The following CA1 variants were observed in gnomAD, a reference collection of about 807,000 sequenced individuals.
The protein encoded by CA1 is carbonate dehydratase I.
CA1 carries 27 observed loss-of-function variants against 28.8 expected under a neutral mutation model. That is an observed-to-expected ratio of 0.94 (90% CI 0.69 to 1.29). The LOEUF (loss-of-function observed/expected upper bound fraction) is 1.29, where lower values mean the gene tolerates loss of function less well. Ranked by LOEUF, CA1 falls within the 50% of genes most tolerant of loss-of-function variation. The pLI is 0.00. For missense variants in CA1, 335 were observed against 310.5 expected, an observed-to-expected ratio of 1.08 and a Z score of -0.59; for synonymous variants, 121 against 108.8, an observed-to-expected ratio of 1.11 and a Z score of -0.70.
In CA1 at chr8:85,338,284, T is replaced by C. The variant is rs990757234; in HGVS notation, c.203A>G (p.His68Arg). The C allele has an allele frequency of 3.1e-6, 5 of 1,613,890 alleles. No individual in the cohort carries two copies. The highest frequency in any genetic ancestry group is 1.3e-5 in the African/African-American group (1 of 74,926). ...GTTATCGTTGTCCTCAAAATTTACA[T>C]GGAAGGAATGCCCCACATTGATAAT... is the stretch of plus-strand genomic sequence containing the variant. ...KEIINVGHSF[H>R]VNFEDNDNRS... The change falls in exon 3 of 8, where the codon CAT becomes CGT. Residue 68 changes from histidine (H) to arginine (R), a missense_variant. By Grantham distance (29) the His-to-Arg change is conservative (BLOSUM62 0). Transcript: ENST00000523022.
intron 1 of CA1, among the ~76,000 whole-genome samples, chr8:85,345,672 T>C (rs998349646): frequency 6.6e-6 from 1 of 152,178 alleles, no homozygotes; most frequent in African/African-American, 2.4e-5. Context: ...CTTACCCAAG[T>C]GCACTGATCT....
chr8:85,338,291 A>G lies in CA1; in HGVS notation c.196T>C (p.Ser66Pro). 1 of 1,614,038 alleles carries G rather than the reference A, an allele frequency of 6.2e-7. No individual in the cohort carries two copies. The highest frequency in any genetic ancestry group is 1.3e-5 in the African/African-American group (1 of 75,050). ...TTGTCCTCAAAATTTACATGGAAGG[A>G]ATGCCCCACATTGATAATTTCTTTG... ...TAKEIINVGH[S>P]FHVNFEDNDN... Residue 66 changes from serine (S) to proline (P), a missense_variant, in exon 3 of 8, where the codon TCC (serine) becomes CCC (proline). Transcript: ENST00000523022.
rs148124484 is a variant in CA1, at chr8:85,355,085, C to T, written c.-24-13426G>A. 1.8e-4 allele frequency among the ~76,000 whole-genome samples: 27 copies of T among 152,286 alleles called. No homozygotes were observed. The East Asian group carries it at 4.8e-3, about 27-fold the overall frequency. On this transcript the variant is annotated intron_variant, in intron 1 of 7. Coordinates refer to ENST00000523022, the MANE Select transcript of CA1 (RefSeq NM_001128831.4). Reference sequence around the variant, plus strand: ...CCTTCCTGCCAGCTCAGCCCAGCTTCTACTCCAGTACCCTCTTATCTCACC... The same window carrying T: ...CCTTCCTGCCAGCTCAGCCCAGCTTTTACTCCAGTACCCTCTTATCTCACC...
In CA1 at chr8:85,338,230, T is replaced by A. The variant is rs756164917; in HGVS notation, c.235+22A>T. 1.9e-6 allele frequency: 3 copies of A among 1,595,768 alleles called. No individual in the cohort carries two copies. The South Asian group carries it at 3.3e-5, about 18-fold the overall frequency. The stretch of plus-strand genomic sequence containing the variant: ...CCCAGTAGACTGTAAGAAAAAAATA[T>A]CAGAAGGGTCTTTCAGCTCACCTGA... On this transcript the variant is annotated intron_variant, in intron 3 of 7. Transcript: ENST00000523022.
At chr8:85,355,335 A>G (rs963987918) in intron 1 of CA1, among the ~76,000 whole-genome samples, 9 of 152,166 alleles carry the variant, frequency 5.9e-5, no homozygotes, top group African/African-American at 2.2e-4. Context: ...ACAAAGAAAG[A>G]AACTTTAAAG....
intron 6 of CA1, among the ~76,000 whole-genome samples, chr8:85,331,526 G>A (rs1438244743): frequency 2.0e-5 from 3 of 151,712 alleles, no homozygotes; most frequent in African/African-American, 7.3e-5. Flanking sequence ...GCACAATCTC[G>A]GCTCACTGCA....
In CA1 at chr8:85,373,054, G is replaced by A. The variant is rs1810287488; in HGVS notation, c.-25+4992C>T. 3.9e-5 allele frequency among the ~76,000 whole-genome samples: 6 copies of A among 152,314 alleles called. 1 individual carries two copies. In the South Asian group the frequency reaches 1.0e-3, roughly 26 times the overall value. ...TTGGCTTAATAAGGAGAGGAAAAAA[G>A]TCATATACTGAGGTTGCTAAGATCT... On this transcript the variant is annotated intron_variant, in intron 1 of 7. Coordinates refer to ENST00000523022, the MANE Select transcript of CA1 (RefSeq NM_001128831.4).
intron 1 of CA1, among the ~76,000 whole-genome samples, chr8:85,354,839 C>T (rs929907361): frequency 6.6e-6 from 1 of 152,182 alleles, no homozygotes; most frequent in Non-Finnish European, 1.5e-5. Context: ...ATGAACCTGT[C>T]TTTTCTGGAA....
chr8:85,367,514 A>G (rs1232003755), intron 1 of CA1, among the ~76,000 whole-genome samples: 4 of 152,238 alleles, frequency 2.6e-5, no homozygotes, highest in Non-Finnish European at 5.9e-5. Context: ...TGAAGCATGT[A>G]AAAAATCTTT....
At chr8:85,359,117 A>G (rs1809703820) in intron 1 of CA1, among the ~76,000 whole-genome samples, 1 of 152,212 alleles carries the variant, frequency 6.6e-6, no homozygotes, top group Non-Finnish European at 1.5e-5. Context: ...ACTGTATGTT[A>G]AACACAATGG....
chr8:85,351,815 T>C (rs1372878803), intron 1 of CA1: 2 of 152,246 alleles, frequency 1.3e-5, no homozygotes, highest in Non-Finnish European at 2.9e-5. Flanking sequence ...TATTCTTTGT[T>C]ACTTGTAAGG....
At chr8:85,345,670 A>C (rs928755117) in intron 1 of CA1, among the ~76,000 whole-genome samples, 6 of 152,128 alleles carry the variant, frequency 3.9e-5, no homozygotes, top group African/African-American at 1.4e-4. Flanking sequence ...TGCTTACCCA[A>C]GTGCACTGAT....
At chr8:85,341,450 G>C (rs1808927280) in intron 2 of CA1, 149 bp downstream of exon 2, 1 of 617,658 alleles carries the variant, frequency 1.6e-6, no homozygotes, top group Non-Finnish European at 2.9e-6. Context: ...ACAATGCTAA[G>C]AATACATGCA....
intron 1 of CA1, among the ~76,000 whole-genome samples, chr8:85,351,539 C>T (rs1000219995): frequency 6.6e-6 from 1 of 152,152 alleles, no homozygotes; most frequent in Non-Finnish European, 1.5e-5. Context: ...CAAAAAACAG[C>T]CCAGTGGGGA....
At chr8:85,332,817 AG>A (rs1353025072) in intron 5 of CA1, among the ~76,000 whole-genome samples, 1 of 152,182 alleles carries the variant, frequency 6.6e-6, no homozygotes, top group Non-Finnish European at 1.5e-5. Flanking sequence ...AAAGTTATAC[AG>A]GGCAAAATCT....
intron 1 of CA1, among the ~76,000 whole-genome samples, chr8:85,347,695 C>T (rs146087217): frequency 1.4e-4 from 22 of 152,260 alleles, no homozygotes; most frequent in African/African-American, 4.3e-4. Flanking sequence ...GGCTTCTCCA[C>T]TCCTATGTCT....
intron 1 of CA1, among the ~76,000 whole-genome samples, chr8:85,352,358 T>C (rs1438887520): frequency 1.3e-5 from 2 of 152,172 alleles, no homozygotes; most frequent in Non-Finnish European, 2.9e-5. Context: ...GAAAAGTGCT[T>C]AAAACCATTT....
chr8:85,356,435 T>A (rs1228431690), intron 1 of CA1, among the ~76,000 whole-genome samples: 5 of 152,076 alleles, frequency 3.3e-5, no homozygotes, highest in Non-Finnish European at 5.9e-5. Context: ...ATCAGGTAGG[T>A]GAAAATGTTT....
intron 1 of CA1, among the ~76,000 whole-genome samples, chr8:85,344,208 A>AAT (rs1554696731): frequency 9.5e-6 from 1 of 104,736 alleles, no homozygotes; most frequent in South Asian, 2.5e-4. Flanking sequence ...TACAGTATAT[A>AAT]ATATAATTAT....
Sources: gnomAD v4.1 joint callset for allele counts (sites outside exome capture counted in the v4.1 genomes callset) on GRCh38, gnomAD v4.1.1 for gene constraint, MANE v1.5 for transcripts, NCBI Gene and HGNC (gene_info 2026-07-23, HGNC 2026-07-21) for gene names.